Variants in ANO6 observed in about 807,000 individuals in gnomAD.
ANO6 encodes anoctamin 6.
Under a neutral mutation model 117.5 loss-of-function variants are expected in ANO6, and 106 were observed. That is an observed-to-expected ratio of 0.90 (90% CI 0.77 to 1.06). The LOEUF is 1.06. Ranked by LOEUF, ANO6 falls within the 50% of genes least tolerant of loss-of-function variation. ANO6 has a pLI of 0.00. For synonymous variants in ANO6, 367 were observed against 385.1 expected (o/e 0.95, Z 0.55); for missense variants, 955 against 1,121.1 (o/e 0.85, Z 2.12).
At chr12:45,349,235 C>A (rs1941221799) in intron 6 of ANO6, among the ~76,000 whole-genome samples, 1 of 152,170 alleles carries the variant, frequency 6.6e-6, no homozygotes, top group South Asian at 2.1e-4. Flanking sequence ...ATAGACTTTT[C>A]TTCCTCATTT....
chr12:45,277,717 A>G (rs1487174075), intron 1 of ANO6, among the ~76,000 whole-genome samples: 1 of 152,126 alleles, frequency 6.6e-6, no homozygotes, highest in Non-Finnish European at 1.5e-5. Flanking sequence ...TCAAAGGTGG[A>G]AATTATCTGC....
At chr12:45,269,075 C>A (rs1192535768) in intron 1 of ANO6, among the ~76,000 whole-genome samples, 3 of 152,224 alleles carry the variant, frequency 2.0e-5, no homozygotes, top group African/African-American at 7.2e-5. Context: ...AAGTGCAATG[C>A]AGAGGCTCTG....
At chr12:45,252,597 T>C (rs1475125796) in intron 1 of ANO6, among the ~76,000 whole-genome samples, 1 of 152,170 alleles carries the variant, frequency 6.6e-6, no homozygotes, top group Non-Finnish European at 1.5e-5. Context: ...AGTGTTCTCA[T>C]TAAATACTCA....
intron 6 of ANO6, among the ~76,000 whole-genome samples, chr12:45,350,425 C>G (rs1170725195): frequency 6.6e-6 from 1 of 152,120 alleles, no homozygotes; most frequent in Non-Finnish European, 1.5e-5. Context: ...GCAGTGCTCC[C>G]CAGGATTGTA....
intron 16 of ANO6, among the ~76,000 whole-genome samples, chr12:45,410,176 C>T (rs527422369): frequency 6.6e-6 from 1 of 152,356 alleles, no homozygotes; most frequent in African/African-American, 2.4e-5. Context: ...TTGGCCGATA[C>T]AGTTCTGAAC....
chr12:45,296,028 T>C (rs1939282797), intron 1 of ANO6, among the ~76,000 whole-genome samples: 1 of 151,876 alleles, frequency 6.6e-6, no homozygotes, highest in Admixed American at 6.6e-5. Context: ...GCCCAGCTAA[T>C]TTTTGTATTT....
At position 45,388,260 on chromosome 12, in the gene ANO6, A is replaced by C; in HGVS notation, c.1265A>C (p.Tyr422Ser). ...CAGGAAGAACAAGCCCGACCAGAATACGAAGCACGATGTACTCACGTAGTG... is the reference window on the plus strand; with the variant it reads ...CAGGAAGAACAAGCCCGACCAGAATCCGAAGCACGATGTACTCACGTAGTG... The part of the protein sequence containing the change: ...LQQEEQARPE[Y>S]EARCTHVVIN... Residue 422 changes from tyrosine to serine, a missense_variant, in exon 11 of 20, where the codon TAC becomes TCC. By Grantham distance (144) the Tyr-to-Ser change is moderately radical. Coordinates refer to ENST00000320560, the MANE Select transcript of ANO6 (RefSeq NM_001025356.3). The C allele has an allele frequency of 6.2e-7, 1 of 1,614,138 alleles. No homozygotes were observed. The highest frequency in any genetic ancestry group is 8.5e-7 in the Non-Finnish European group (1 of 1,179,998).
At chr12:45,220,150 A>G (rs182991266) in intron 1 of ANO6, among the ~76,000 whole-genome samples, 1 of 152,170 alleles carries the variant, frequency 6.6e-6, no homozygotes, top group Non-Finnish European at 1.5e-5. Flanking sequence ...TCTGTGGTCA[A>G]GCTTTGCTGA....
At chr12:45,374,553 G>A (rs1356461218) in intron 9 of ANO6, among the ~76,000 whole-genome samples, 11 of 99,904 alleles carry the variant, frequency 1.1e-4, no homozygotes, top group South Asian at 8.8e-4. Context: ...TTCAATATAC[G>A]CAAATCAATA....
At chr12:45,379,613 A>G (rs1188113607) in intron 10 of ANO6, among the ~76,000 whole-genome samples, 1 of 152,232 alleles carries the variant, frequency 6.6e-6, no homozygotes, top group Non-Finnish European at 1.5e-5. Flanking sequence ...TTGAATCATA[A>G]TGTATAACAT....
chr12:45,372,997 A>G (rs1315160382), intron 9 of ANO6, among the ~76,000 whole-genome samples: 1 of 152,236 alleles, frequency 6.6e-6, no homozygotes, highest in Non-Finnish European at 1.5e-5. Flanking sequence ...CATAGGTTCA[A>G]AATAAAAGGA....
chr12:45,243,715 A>G (rs1947781063), intron 1 of ANO6, among the ~76,000 whole-genome samples: 1 of 151,952 alleles, frequency 6.6e-6, no homozygotes. Context: ...ATGCCTGGCT[A>G]ATTTTTGTGT....
At position 45,237,571 on chromosome 12, in the gene ANO6, C is replaced by G. The variant is rs185625375; in HGVS notation, c.70+21180C>G. On this transcript the variant is annotated intron_variant, in intron 1 of 19. Transcript: ENST00000320560. Reference sequence around the variant, plus strand: ...TTATTTCTGAGGCCTCTGTTCTGTTCCATTGGTCTATATCTCTGTTTTGGT... The same window carrying G: ...TTATTTCTGAGGCCTCTGTTCTGTTGCATTGGTCTATATCTCTGTTTTGGT... Among the ~76,000 whole-genome samples, 143 of 152,232 alleles carry G rather than the reference C, an allele frequency of 9.4e-4. 1 individual carries two copies. Among genetic ancestry groups the G allele is most frequent in the Non-Finnish European group, 1.5e-3 (105 of 68,012 alleles).
chr12:45,348,065 C>A lies in ANO6; in HGVS notation c.383C>A (p.Ala128Glu), dbSNP rs751488930. The change falls in exon 5 of 20, where the codon GCA (alanine) becomes GAA (glutamate). Residue 128 changes from alanine to glutamate, a missense_variant. Physicochemically the swap from Ala to Glu is moderately radical, Grantham distance 107 (BLOSUM62 -1). Transcript: ENST00000320560. Reference protein sequence around the residue: ...DDKLVFVKVHAPWEVLCTYAE... With the variant: ...DDKLVFVKVHEPWEVLCTYAE... Reference sequence around the variant, plus strand: ...AAGCTTGTATTTGTAAAAGTACACGCACCATGGGAGGTGTTATGTACGTAT... The same window carrying A: ...AAGCTTGTATTTGTAAAAGTACACGAACCATGGGAGGTGTTATGTACGTAT... 3 of 1,613,802 alleles carry A rather than the reference C, an allele frequency of 1.9e-6. No homozygotes were observed. The highest frequency in any genetic ancestry group is 2.5e-6 in the Non-Finnish European group (3 of 1,179,922).
At chr12:45,290,046 T>G (rs1355774175) in intron 1 of ANO6, among the ~76,000 whole-genome samples, 1 of 152,200 alleles carries the variant, frequency 6.6e-6, no homozygotes, top group East Asian at 1.9e-4. Flanking sequence ...CATTTTTCAT[T>G]ATCCTCCCCC....
intron 15 of ANO6, among the ~76,000 whole-genome samples, chr12:45,404,387 T>G (rs1249355797): frequency 1.3e-5 from 2 of 152,166 alleles, no homozygotes; most frequent in Non-Finnish European, 2.9e-5. Context: ...GCTTTTTGTT[T>G]GGGTTTTCTA....
At chr12:45,222,621 C>T (rs955511584) in intron 1 of ANO6, among the ~76,000 whole-genome samples, 2 of 152,160 alleles carry the variant, frequency 1.3e-5, no homozygotes, top group Non-Finnish European at 2.9e-5. Flanking sequence ...AGAAGCAGGC[C>T]TCAGAAAACA....
chr12:45,398,901 G>A (rs1942703828), intron 12 of ANO6, among the ~76,000 whole-genome samples: 1 of 152,126 alleles, frequency 6.6e-6, no homozygotes, highest in South Asian at 2.1e-4. Flanking sequence ...AGTTATGCTT[G>A]GCAGAAAATC....
At chr12:45,373,813 A>G (rs11533628) in intron 9 of ANO6, among the ~76,000 whole-genome samples, 8,457 of 152,188 alleles carry the variant, frequency 0.056, 472 homozygotes, top group East Asian at 0.32. Context: ...TGGAAAAGCA[A>G]GAGCAAACAC....
Sources: allele counts gnomAD v4.1 joint callset (sites outside exome capture counted in the v4.1 genomes callset), GRCh38; gene constraint gnomAD v4.1.1; transcripts MANE v1.5; gene names NCBI Gene and HGNC (gene_info 2026-07-23, HGNC 2026-07-21).